Variants in ZNF567 observed in about 807,000 individuals in gnomAD.
The protein encoded by ZNF567 is zinc finger protein 567.
A neutral mutation model predicts 53.9 loss-of-function variants in ZNF567; 36 were observed. The ratio of observed to expected loss-of-function variants is 0.67; its 90% CI spans 0.51 to 0.88. The LOEUF is 0.88. ZNF567 is among the 40% of genes least tolerant of loss of function. The probability of loss-of-function intolerance (pLI) is 0.00; values close to 1 mark genes in which losing one functional copy is unlikely to be tolerated. For missense variants in ZNF567, 619 were observed against 764.7 expected, an observed-to-expected ratio of 0.81 and a Z score of 2.25; for synonymous variants, 224 against 260.4, an observed-to-expected ratio of 0.86 and a Z score of 1.35.
chr19:36,724,660 C>T (rs564354971), downstream of ZNF567, among the ~76,000 whole-genome samples: 21 of 124,398 alleles, frequency 1.7e-4, no homozygotes, highest in Admixed American at 1.2e-3. Context: ...CCAGCCTGCG[C>T]GAAAAAGCGA....
At chr19:36,696,125 TTA>T (rs936971883) in intron 3 of ZNF567, among the ~76,000 whole-genome samples, 6 of 152,226 alleles carry the variant, frequency 3.9e-5, no homozygotes, top group African/African-American at 1.4e-4. Context: ...TCTTCCAATT[TTA>T]TGTTTGCATG....
intron 2 of ZNF567, among the ~76,000 whole-genome samples, chr19:36,691,897 C>G (rs1389953835): frequency 6.6e-6 from 1 of 152,224 alleles, no homozygotes; most frequent in East Asian, 1.9e-4. Flanking sequence ...ATCCTCCTGC[C>G]TTGTCTTCCC....
downstream of ZNF567, chr19:36,723,249 A>G (rs1395671086): frequency 1.4e-6 from 1 of 702,930 alleles, no homozygotes; most frequent in South Asian, 1.5e-5. Flanking sequence ...GATTTGGGGA[A>G]CATGTGAGTC....
the ZNF567 span, chr19:36,669,267 C>G: frequency 6.6e-6 from 1 of 152,006 alleles, no homozygotes; most frequent in Admixed American, 6.6e-5. Context: ...AATTGTATGA[C>G]AGTGAAGGGG....
In ZNF567 at chr19:36,694,772, G is replaced by GC. The variant is rs2038791941; in HGVS notation, c.-66-29dup. The GC allele has an allele frequency of 7.9e-6, 10 of 1,259,454 alleles. No homozygotes were observed. The African/African-American group carries it at 1.1e-4, about 14-fold the overall frequency. 78.0% of individuals were successfully genotyped at this position (1,259,454 alleles called of 1,614,324 possible). On this transcript the variant is annotated intron_variant, in intron 2 of 5. Coordinates refer to ENST00000682579, the MANE Select transcript of ZNF567 (RefSeq NM_001322917.1). Reference sequence around the variant, plus strand: ...TGTGAGGCACATGTGGTCTCATGTGGCTTTTTTTGTCTCGGCTTTGCCTCC... The same window carrying GC: ...TGTGAGGCACATGTGGTCTCATGTGGCCTTTTTTTGTCTCGGCTTTGCCTCC...
At chr19:36,721,801 G>A (rs1180798583), downstream of ZNF567, among the ~76,000 whole-genome samples, 3 of 138,370 alleles carry the variant, frequency 2.2e-5, no homozygotes, top group Admixed American at 7.9e-5. Flanking sequence ...CTGGAATGCA[G>A]TGGAGCGATC....
intron 2 of ZNF567, among the ~76,000 whole-genome samples, chr19:36,691,464 C>T (rs1190443207): frequency 6.6e-6 from 1 of 152,142 alleles, no homozygotes; most frequent in Non-Finnish European, 1.5e-5. Context: ...CCTTGCCTGG[C>T]CTCCAGGATA....
intron 5 of ZNF567, among the ~76,000 whole-genome samples, chr19:36,718,018 T>C (rs1346308745): frequency 6.6e-6 from 1 of 152,250 alleles, no homozygotes; most frequent in Non-Finnish European, 1.5e-5. Flanking sequence ...CTATCGGAAG[T>C]ATTTTCCTAA....
intron 5 of ZNF567, among the ~76,000 whole-genome samples, chr19:36,713,632 C>G (rs1390451631): frequency 6.6e-6 from 1 of 150,602 alleles, no homozygotes; most frequent in Non-Finnish European, 1.5e-5. Flanking sequence ...CAGAACCAGA[C>G]TTTTAAATAT....
chr19:36,720,852 A>G lies in ZNF567; in HGVS notation c.*184A>G. The G allele has an allele frequency of 2.1e-6, 1 of 476,268 alleles. No individual in the cohort carries two copies. Among genetic ancestry groups the G allele is most frequent in the Non-Finnish European group, 3.4e-6 (1 of 294,358 alleles). 29.5% of individuals were successfully genotyped at this position (476,268 alleles called of 1,614,324 possible). On this transcript the variant is annotated 3_prime_UTR_variant, in exon 6 of 6. Transcript: ENST00000682579. ...AAATAAGTATGATCATTATTATTGA[A>G]CTCTATCAGCTATGAAGCTAAATTT...
Position 36,694,821 on chromosome 19 carries a change from G to A in ZNF567, c.-47G>A. The A allele has an allele frequency of 6.6e-7, 1 of 1,509,736 alleles. No homozygotes were observed. Among genetic ancestry groups the A allele is most frequent in the Non-Finnish European group, 8.8e-7 (1 of 1,139,346 alleles). 93.5% of individuals were successfully genotyped at this position (1,509,736 alleles called of 1,614,324 possible). A position where few individuals can be genotyped will look rare whatever the true frequency, so the allele number is the denominator to read the frequency against. On this transcript the variant is annotated 5_prime_UTR_variant, in exon 3 of 6. Coordinates refer to ENST00000682579, the MANE Select transcript of ZNF567 (RefSeq NM_001322917.1). ...CCTTAGGAACTGCCTCTTTTCTAAA[G>A]AGGACTCCAAAGGAAGGACTGGTCA...
At chr19:36,692,351 G>A (rs2038661615) in intron 2 of ZNF567, among the ~76,000 whole-genome samples, 1 of 152,094 alleles carries the variant, frequency 6.6e-6, no homozygotes. Context: ...TTGGTGCATT[G>A]TGTAATGACA....
the ZNF567 span, chr19:36,668,941 T>G: frequency 6.6e-6 from 1 of 152,288 alleles, no homozygotes; most frequent in South Asian, 2.1e-4. Flanking sequence ...AAACCTTCAG[T>G]TGAAAATATC....
At chr19:36,707,990 G>A (rs575078519) in intron 3 of ZNF567, among the ~76,000 whole-genome samples, 1 of 152,176 alleles carries the variant, frequency 6.6e-6, no homozygotes, top group African/African-American at 2.4e-5. Context: ...CTAACTCCTG[G>A]GCTCAAGCGA....
chr19:36,709,767 T>G (rs1243474743), intron 3 of ZNF567, among the ~76,000 whole-genome samples: 1 of 152,216 alleles, frequency 6.6e-6, no homozygotes, highest in Non-Finnish European at 1.5e-5. Context: ...CCCAGCCTAT[T>G]AGTATTTTTG....
intron 3 of ZNF567, among the ~76,000 whole-genome samples, chr19:36,700,947 T>C (rs866675150): frequency 7.2e-5 from 11 of 152,082 alleles, no homozygotes; most frequent in Middle Eastern, 3.2e-3. Flanking sequence ...ATTTTAGTTA[T>C]TTCTTGCCTT....
downstream of ZNF567, among the ~76,000 whole-genome samples, chr19:36,724,058 G>C (rs1261236313): frequency 7.0e-6 from 1 of 142,928 alleles, no homozygotes; most frequent in African/African-American, 2.6e-5. Context: ...CCAGGCTGGA[G>C]TGCAATGGTG....
the ZNF567 span, among the ~76,000 whole-genome samples, chr19:36,680,175 AATT>A: frequency 8.5e-5 from 13 of 152,290 alleles, no homozygotes; most frequent in East Asian, 1.7e-3. Flanking sequence ...AAATATATAC[AATT>A]ATTACTTGTC....
chr19:36,727,051 T>TTTTATTTGTTTA (rs1555809328), downstream of ZNF567: 1 of 120,866 alleles, frequency 8.3e-6, no homozygotes, highest in Non-Finnish European at 1.7e-5. Context: ...AGTAGATCAA[T>TTTTATTTGTTTA]TTTATTTATT....
Sources: gnomAD v4.1 joint callset for allele counts (sites outside exome capture counted in the v4.1 genomes callset) on GRCh38, gnomAD v4.1.1 for gene constraint, MANE v1.5 for transcripts, NCBI Gene and HGNC (gene_info 2026-07-23, HGNC 2026-07-21) for gene names.